Variants in NCKAP5L observed in about 807,000 individuals in gnomAD.
The protein encoded by NCKAP5L is NCK associated protein 5 like, also known as nck-associated protein 5-like.
NCKAP5L carries 54 observed loss-of-function variants against 103.2 expected under a neutral mutation model. The observed-to-expected ratio is 0.52, with a 90% CI of 0.42 to 0.66. The LOEUF is 0.66. Ranked by LOEUF, NCKAP5L falls within the 30% of genes least tolerant of loss-of-function variation. The probability of loss-of-function intolerance (pLI) is 0.00; values close to 1 mark genes in which losing one functional copy is unlikely to be tolerated. For missense variants in NCKAP5L, 1,733 were observed against 1,750.6 expected, an observed-to-expected ratio of 0.99 and a Z score of 0.18; for synonymous variants, 762 against 748.6, an observed-to-expected ratio of 1.02 and a Z score of -0.29.
At chr12:49,826,900 G>C (rs906270075) in intron 1 of NCKAP5L, among the ~76,000 whole-genome samples, 3 of 152,154 alleles carry the variant, frequency 2.0e-5, no homozygotes, top group Non-Finnish European at 4.4e-5. Context: ...AAAGATGCTG[G>C]AGGGACAAAG....
intron 2 of NCKAP5L, chr12:49,805,489 G>A (rs1946169654): frequency 6.6e-6 from 1 of 152,212 alleles, no homozygotes; most frequent in South Asian, 2.1e-4. Flanking sequence ...TATTGTGGAG[G>A]TTTCCAGTAG....
At chr12:49,808,345 C>T (rs149596478) in intron 1 of NCKAP5L, among the ~76,000 whole-genome samples, 1,688 of 152,288 alleles carry the variant, frequency 0.011, 18 homozygotes, top group Non-Finnish European at 0.015. Context: ...GGCCTCACAG[C>T]GAGGGGGTCT....
chr12:49,814,238 G>A (rs758904423), intron 1 of NCKAP5L, among the ~76,000 whole-genome samples: 1 of 149,232 alleles, frequency 6.7e-6, no homozygotes, highest in African/African-American at 2.4e-5. Context: ...TAACCCCAGC[G>A]CTTTGGGAGG....
At chr12:49,804,930 G>C (rs1005685078) in intron 2 of NCKAP5L, 1 of 152,284 alleles carries the variant, frequency 6.6e-6, no homozygotes, top group South Asian at 2.1e-4. Context: ...GCAAGGTCCC[G>C]ATCCCTGGGC....
chr12:49,802,849 C>A, intron 5 of NCKAP5L, 109 bp downstream of exon 5: 1 of 1,321,974 alleles, frequency 7.6e-7, no homozygotes, highest in Non-Finnish European at 1.0e-6. Context: ...GGCGGAAAGA[C>A]GGGGAATCAC....
rs1210963459 is a variant in NCKAP5L at position 49,797,095 on chromosome 12, C to T, written c.765G>A (p.Leu255=). Reference sequence around the variant, plus strand: ...GACCCCCCAAGAGGCGCTCCCAGTGCAGCAGGCCTCCCAGGTTGCCAGGGC... The same window carrying T: ...GACCCCCCAAGAGGCGCTCCCAGTGTAGCAGGCCTCCCAGGTTGCCAGGGC... ...LLGPGNLGGL[L]HWERLLGGLG... Residue 255 remains leucine (L), a synonymous_variant, in exon 8 of 13, where the codon CTG becomes CTA. Transcript: ENST00000335999. The surrounding 1 kb of genome is among the most constrained non-coding windows in gnomAD (Gnocchi z 4.5). 1.9e-6 allele frequency: 3 copies of T among 1,588,812 alleles called. No individual in the cohort carries two copies. The highest frequency in any genetic ancestry group is 3.6e-5 in the Admixed American group (2 of 55,690).
Position 49,796,415 on chromosome 12 carries a change from CG to C in NCKAP5L, c.1444del (p.Arg482GlyfsTer106). 3.2e-6 allele frequency: 5 copies of C among 1,568,912 alleles called. No homozygotes were observed. The highest frequency in any genetic ancestry group is 8.6e-7 in the Non-Finnish European group (1 of 1,159,028). On this transcript the variant is annotated frameshift_variant, in exon 8 of 13. Coordinates refer to ENST00000335999, the MANE Select transcript of NCKAP5L (RefSeq NM_001037806.4). LOFTEE classifies it high-confidence loss of function. ...GTTCCGACAGGGGATTCGCGAGTTC[CG>C]GGGGAGCTGGGGACTGAGCTGCGGG... is the stretch of plus-strand genomic sequence containing the variant. ...GGPQLSPQLP[R>X]NSRIPCRNSG...
intron 1 of NCKAP5L, among the ~76,000 whole-genome samples, chr12:49,826,471 A>G (rs970819032): frequency 6.6e-6 from 1 of 152,160 alleles, no homozygotes; most frequent in African/African-American, 2.4e-5. Context: ...GAATAAGGGA[A>G]TCTGTTCTCT....
rs143471239 is a variant in NCKAP5L at position 49,793,698 on chromosome 12, C to T, written c.3258+36G>A. ...AAGAGACCTGGCAGGGCCAGAGAGC[C>T]AGGCCGTCCACCCAGTCCCTACCCC... On this transcript the variant is annotated intron_variant, in intron 9 of 12. Coordinates refer to ENST00000335999, the MANE Select transcript of NCKAP5L (RefSeq NM_001037806.4). The T allele has an allele frequency of 3.5e-4, 525 of 1,515,324 alleles. 2 individuals are homozygous for T. In the African/African-American group the frequency reaches 6.4e-3, roughly 19 times the overall value. 93.9% of individuals were successfully genotyped at this position (1,515,324 alleles called of 1,614,324 possible).
rs1425450461 is a variant in NCKAP5L at position 49,793,857 on chromosome 12, C to T, written c.3135G>A (p.Glu1045=). 1 of 1,570,080 alleles carries T rather than the reference C, an allele frequency of 6.4e-7. No homozygotes were observed. ...GKELPSKSWR[E]PKPEYGDFQP... ...GGAAATCCCCGTACTCAGGCTTGGG[C>T]TCCCGCCAGCTCTTGGATGGCAGCT... The change falls in exon 9 of 13, where the codon GAG becomes GAA. Residue 1045 remains glutamate (E), a synonymous_variant. Transcript: ENST00000335999.
chr12:49,803,157 G>C lies in NCKAP5L; in HGVS notation c.132C>G (p.Asn44Lys), dbSNP rs201451680. Reference protein sequence around the residue: ...LHRLRELEAENSALAQANENQ... With the variant: ...LHRLRELEAEKSALAQANENQ... ...TTTCGTTGGCCTGGGCAAGTGCCGA[G>C]TTCTCTGCCTGCAGGAGTGAGGGAG... is the stretch of plus-strand genomic sequence containing the variant. Residue 44 changes from asparagine (N) to lysine (K), a missense_variant, in exon 4 of 13, where the codon AAC becomes AAG. Coordinates refer to ENST00000335999, the MANE Select transcript of NCKAP5L (RefSeq NM_001037806.4). 9.7e-5 allele frequency: 156 copies of C among 1,614,118 alleles called. 1 individual carries two copies. Among genetic ancestry groups the C allele is most frequent in the East Asian group, 2.2e-5 (1 of 44,904 alleles).
Position 49,792,461 on chromosome 12 carries a change from C to A in NCKAP5L, c.3777G>T (p.Leu1259=). ...LMCPPRQLEG[L]PRTPMALPVD... is the part of the protein sequence containing the mutation. Reference sequence around the variant, plus strand: ...CAATTCTCACCATGGGGGTCCTGGGCAGCCCCTCCAGTTGTCGGGGTGGGC... The same window carrying A: ...CAATTCTCACCATGGGGGTCCTGGGAAGCCCCTCCAGTTGTCGGGGTGGGC... The change falls in exon 12 of 13, where the codon CTG becomes CTT. Residue 1259 remains leucine, a synonymous_variant. Transcript: ENST00000335999. The surrounding 1 kb of genome is among the most constrained non-coding windows in gnomAD (Gnocchi z 4.5). 1 of 1,613,318 alleles carries A rather than the reference C, an allele frequency of 6.2e-7. No homozygotes were observed. The highest frequency in any genetic ancestry group is 1.6e-4 in the Middle Eastern group (1 of 6,062).
intron 1 of NCKAP5L, among the ~76,000 whole-genome samples, chr12:49,822,602 A>G (rs1408710943): frequency 1.4e-5 from 2 of 147,666 alleles, no homozygotes; most frequent in African/African-American, 5.0e-5. Context: ...GCTGGAGTGC[A>G]GTGGCTCAAT....
rs1946047408 is a variant in NCKAP5L at position 49,796,496 on chromosome 12, C to A, written c.1364G>T (p.Gly455Val). Residue 455 changes from glycine (G) to valine (V), a missense_variant, in exon 8 of 13, where the codon GGT (glycine) becomes GTT (valine). Physicochemically the swap from Gly to Val is moderately radical, Grantham distance 109. Coordinates refer to ENST00000335999, the MANE Select transcript of NCKAP5L (RefSeq NM_001037806.4). ...TGGAGGCAGCTTTAGAAACTTGAGA[C>A]CCCTAGCTGGAGAGGGCAGAAGGGG... ...QGPLLPSPAR[G>V]LKFLKLPPTS... is the part of the protein sequence containing the mutation. 12 of 1,541,240 alleles carry A rather than the reference C, an allele frequency of 7.8e-6. No homozygotes were observed. Among genetic ancestry groups the A allele is most frequent in the Non-Finnish European group, 9.6e-6 (11 of 1,146,080 alleles).
rs899039975 is a variant in NCKAP5L at position 49,803,787 on chromosome 12, C to G, written c.123+135G>C. 3 of 1,199,528 alleles carry G rather than the reference C, an allele frequency of 2.5e-6. No individual in the cohort carries two copies. The African/African-American group carries it at 4.6e-5, about 18-fold the overall frequency. The allele number at this position is 1,199,528 out of a possible 1,614,324, so 74.3% of individuals were successfully genotyped here. ...CTTTGCAAAAGAATGTTCTGCTAGC[C>G]TCCTGCCTGGCAAAGCAGGCCGAGA... On this transcript the variant is annotated intron_variant, in intron 3 of 12. Transcript: ENST00000335999.
chr12:49,797,370 G>A lies in NCKAP5L; in HGVS notation c.490C>T (p.Pro164Ser), dbSNP rs766501503. Residue 164 changes from proline to serine, a missense_variant, in exon 8 of 13, where the codon CCA becomes TCA. Coordinates refer to ENST00000335999, the MANE Select transcript of NCKAP5L (RefSeq NM_001037806.4). This position sits in a 1 kb window ranked among gnomAD's most constrained non-coding sequence, Gnocchi z 4.5. ...GCGGCTGGGGGGCCTGGGCCTCCTG[G>A]CCTCAGCTGCTGCTCCCAACATACC... The part of the protein sequence containing the change: ...REVCWEQQLR[P>S]GGPGPPAAPP... 6.2e-7 allele frequency: 1 copy of A among 1,608,508 alleles called. No individual in the cohort carries two copies. The highest frequency in any genetic ancestry group is 1.7e-5 in the Admixed American group (1 of 59,558).
At chr12:49,808,922 C>T (rs114225221) in intron 1 of NCKAP5L, among the ~76,000 whole-genome samples, 3 of 152,106 alleles carry the variant, frequency 2.0e-5, no homozygotes, top group African/African-American at 7.2e-5. Flanking sequence ...GGAGGCTTCT[C>T]CCGCCGGAAT....
chr12:49,826,626 A>T (rs1333528311), intron 1 of NCKAP5L, among the ~76,000 whole-genome samples: 1 of 152,230 alleles, frequency 6.6e-6, no homozygotes, highest in Non-Finnish European at 1.5e-5. Flanking sequence ...AAAAAGTGGA[A>T]GGGAATATTA....
intron 6 of NCKAP5L, 111 bp from the exon 7 acceptor site, chr12:49,798,574 G>T: frequency 1.1e-6 from 1 of 890,916 alleles, no homozygotes; most frequent in South Asian, 1.5e-5. Flanking sequence ...AGGACTCCCA[G>T]ACTCCCAGCC....
Sources: allele counts gnomAD v4.1 joint callset (sites outside exome capture counted in the v4.1 genomes callset), GRCh38; gene constraint gnomAD v4.1.1; non-coding constraint Gnocchi (gnomAD v3.1); transcripts MANE v1.5; gene names NCBI Gene and HGNC (gene_info 2026-07-23, HGNC 2026-07-21).